RP2: variants seen among roughly 807,000 people sequenced by gnomAD.
RP2 encodes RP2 activator of ARL3 GTPase.
RP2 carries 3 observed loss-of-function variants against 20.3 expected under a neutral mutation model. That is an observed-to-expected ratio of 0.15 (90% CI 0.07 to 0.38). The LOEUF (loss-of-function observed/expected upper bound fraction) is 0.38. RP2 is among the 10% of genes least tolerant of loss of function. RP2 has a pLI of 1.00. For synonymous variants in RP2, 75 were observed against 94.8 expected, an observed-to-expected ratio of 0.79 and a Z score of 1.22; for missense variants, 233 against 268.5, an observed-to-expected ratio of 0.87 and a Z score of 0.92.
At chrX:46,861,873 C>T in intron 3 of RP2, among the ~76,000 whole-genome samples, 1 of 110,913 alleles carries the variant, frequency 9.0e-6, no homozygotes, top group Non-Finnish European at 1.9e-5. Flanking sequence ...AATGATTTAA[C>T]AACAGAAATC....
intron 1 of RP2, among the ~76,000 whole-genome samples, chrX:46,851,849 G>A (rs782555676): frequency 2.7e-5 from 3 of 110,348 alleles, no homozygotes; most frequent in African/African-American, 6.6e-5. Context: ...GGCAGATCAC[G>A]AGGTCAGGAG....
At chrX:46,848,250 T>G (rs1164162495) in intron 1 of RP2, among the ~76,000 whole-genome samples, 2 of 110,255 alleles carry the variant, frequency 1.8e-5, no homozygotes, top group Non-Finnish European at 3.8e-5. Context: ...ATGAAAAATT[T>G]GTATTGCCGC....
At chrX:46,847,777 TAC>T (rs200945346) in intron 1 of RP2, among the ~76,000 whole-genome samples, 2 of 78,328 alleles carry the variant, frequency 2.6e-5, no homozygotes, top group African/African-American at 1.3e-4. Context: ...TGTGTGTGTG[TAC>T]ATACACACAT....
In RP2 at chrX:46,855,215, C is replaced by T. The variant is rs1177588492; in HGVS notation, c.768+1074C>T. 6.4e-5 allele frequency among the ~76,000 whole-genome samples: 7 copies of T among 110,142 alleles called. No homozygotes were observed. In the East Asian group the frequency reaches 2.0e-3, roughly 32 times the overall value. ...GCTAGGTTGGCAAAGCTCATAGGCT[C>T]ATGAACAGTGGGTCTTGGTGAGCTC... On this transcript the variant is annotated intron_variant, in intron 2 of 4. Coordinates refer to ENST00000218340, the MANE Select transcript of RP2 (RefSeq NM_006915.3).
In RP2 at chrX:46,881,536, G is replaced by A. The variant is rs1253901412; in HGVS notation, c.*1767G>A. The A allele has an allele frequency of 6.3e-5, 7 of 110,322 alleles. No individual in the cohort carries two copies. Among genetic ancestry groups the A allele is most frequent in the African/African-American group, 2.0e-4 (6 of 30,224 alleles). The allele number at this position is 110,322 out of a possible 1,213,427, so 9.1% of individuals were successfully genotyped here. ...GTTGCCCAAGCTGGAGTGCAATGGC[G>A]CGATCTCGGCTCACCACAACATCCG... On this transcript the variant is annotated 3_prime_UTR_variant, in exon 5 of 5. Transcript: ENST00000218340.
At chrX:46,845,257 A>G (rs575281637) in intron 1 of RP2, among the ~76,000 whole-genome samples, 1 of 111,680 alleles carries the variant, frequency 9.0e-6, no homozygotes, top group African/African-American at 3.3e-5. Context: ...GAGAGAAACT[A>G]TTTGTCCTGT....
chrX:46,837,274 C>T (rs782576748), intron 1 of RP2, 72 bp downstream of exon 1: 29 of 1,017,570 alleles, frequency 2.8e-5, no homozygotes, highest in Non-Finnish European at 3.5e-5. Flanking sequence ...GGCCCGGGAC[C>T]GCTGAGGGGG....
chrX:46,864,900 T>C (rs1222714432), intron 3 of RP2, among the ~76,000 whole-genome samples: 1 of 112,295 alleles, frequency 8.9e-6, no homozygotes, highest in Non-Finnish European at 1.9e-5. Flanking sequence ...AGAGAGATAA[T>C]GAAGGGCCTT....
At chrX:46,847,144 G>T (rs957226008) in intron 1 of RP2, among the ~76,000 whole-genome samples, 1 of 112,012 alleles carries the variant, frequency 8.9e-6, no homozygotes, top group Non-Finnish European at 1.9e-5. Flanking sequence ...CATTTTTCAT[G>T]TACTTATTTG....
intron 1 of RP2, among the ~76,000 whole-genome samples, chrX:46,837,963 A>T (rs1363890336): frequency 8.9e-6 from 1 of 112,277 alleles, no homozygotes; most frequent in East Asian, 2.8e-4. Flanking sequence ...AACCTCCATT[A>T]GTCTTACACA....
At position 46,875,295 on chromosome X, in the gene RP2, CT is replaced by C. The variant is rs782675753; in HGVS notation, c.884-2195del. 4.0e-3 allele frequency among the ~76,000 whole-genome samples: 352 copies of C among 88,331 alleles called. 3 individuals carry two copies. Among genetic ancestry groups the C allele is most frequent in the South Asian group, 0.039 (75 of 1,917 alleles). The allele number at this position is 88,331 out of a possible 115,157, so 76.7% of individuals were successfully genotyped here. A position where few individuals can be genotyped will look rare whatever the true frequency, so the allele number is the denominator to read the frequency against. ...AATGACTGTTTTCTGTATTTTCTTT[CT>C]TTTTTTTTTTTTTTAGCAAACTTAC... On this transcript the variant is annotated intron_variant, in intron 3 of 4. Coordinates refer to ENST00000218340, the MANE Select transcript of RP2 (RefSeq NM_006915.3).
chrX:46,853,954 TGGTTCA>T lies in RP2; in HGVS notation c.584_589del (p.Val195_Gln196del). On this transcript the variant is annotated inframe_deletion, in exon 2 of 5. Transcript: ENST00000218340. ...TGGAGCCTTCTTCCAGAAGATGCTG[TGGTTCA>T]GGACTATGTTCCTATACCTACTACC... The T allele has an allele frequency of 2.5e-6, 3 of 1,212,012 alleles. No homozygotes were observed. Among genetic ancestry groups the T allele is most frequent in the Non-Finnish European group, 3.3e-6 (3 of 895,545 alleles).
chrX:46,866,662 C>T (rs1014206041), intron 3 of RP2, among the ~76,000 whole-genome samples: 2 of 112,052 alleles, frequency 1.8e-5, no homozygotes, highest in Non-Finnish European at 3.8e-5. Flanking sequence ...TTCCAAAGTC[C>T]TGAGGTTAGC....
chrX:46,843,124 C>T (rs781808944), intron 1 of RP2, among the ~76,000 whole-genome samples: 3 of 108,197 alleles, frequency 2.8e-5, no homozygotes, highest in East Asian at 5.8e-4. Flanking sequence ...TCTCCTGTCT[C>T]GGCCTCCCCA....
chrX:46,842,531 G>T (rs890864932), intron 1 of RP2, among the ~76,000 whole-genome samples: 4 of 111,521 alleles, frequency 3.6e-5, no homozygotes, highest in Non-Finnish European at 7.5e-5. Flanking sequence ...ATATAATTCA[G>T]TATTTTTTAG....
At position 46,881,370 on chromosome X, in the gene RP2, C is replaced by A. The variant is rs1377382504; in HGVS notation, c.*1601C>A. On this transcript the variant is annotated 3_prime_UTR_variant, in exon 5 of 5. Transcript: ENST00000218340. ...GACAGATTTAATATAATTTTGATCA[C>A]AATTTACAAATGATCTTTGCAAATA... 1 of 111,005 alleles carries A rather than the reference C, an allele frequency of 9.0e-6. No individual in the cohort carries two copies. Among genetic ancestry groups the A allele is most frequent in the Non-Finnish European group, 1.9e-5 (1 of 52,978 alleles). The allele number at this position is 111,005 out of a possible 1,213,427, so 9.1% of individuals were successfully genotyped here. A position where few individuals can be genotyped will look rare whatever the true frequency, so the allele number is the denominator to read the frequency against.
chrX:46,861,159 A>C (rs1214938461), intron 3 of RP2, among the ~76,000 whole-genome samples: 4 of 112,057 alleles, frequency 3.6e-5, no homozygotes, highest in Non-Finnish European at 7.5e-5. Context: ...TTGGAAATTG[A>C]ATCAGGTAAT....
intron 3 of RP2, among the ~76,000 whole-genome samples, chrX:46,866,139 G>A (rs1181968605): frequency 9.0e-6 from 1 of 110,860 alleles, no homozygotes; most frequent in Admixed American, 9.6e-5. Context: ...CCTACAAGAT[G>A]CTCCAGGCTC....
chrX:46,847,626 TAG>T (rs1478999101), intron 1 of RP2, among the ~76,000 whole-genome samples: 2 of 103,140 alleles, frequency 1.9e-5, no homozygotes, highest in Non-Finnish European at 3.9e-5. Flanking sequence ...ATCAATGGAA[TAG>T]AGAGTTCATA....
Sources: allele counts gnomAD v4.1 joint callset (sites outside exome capture counted in the v4.1 genomes callset), GRCh38; gene constraint gnomAD v4.1.1; transcripts MANE v1.5; gene names NCBI Gene and HGNC (gene_info 2026-07-23, HGNC 2026-07-21).